The following AHI1 variants were observed in gnomAD, a reference collection of about 807,000 sequenced individuals.
AHI1 encodes jouberin.
Under a neutral mutation model 149.3 loss-of-function variants are expected in AHI1, and 123 were observed. The observed-to-expected ratio is 0.82, with a 90% CI of 0.71 to 0.96. The LOEUF (loss-of-function observed/expected upper bound fraction) is 0.96. Ranked by LOEUF, AHI1 falls within the 40% of genes least tolerant of loss-of-function variation. The pLI is 0.00. For missense variants in AHI1, 1,439 were observed against 1,422.7 expected, an observed-to-expected ratio of 1.01 and a Z score of -0.18; for synonymous variants, 475 against 459.8, an observed-to-expected ratio of 1.03 and a Z score of -0.42.
intron 24 of AHI1, among the ~76,000 whole-genome samples, chr6:135,342,535 T>C (rs118096100): frequency 1.3e-5 from 2 of 151,986 alleles, no homozygotes; most frequent in Non-Finnish European, 3.0e-5. Context: ...AAAAAGATTA[T>C]ATTATACATC....
intron 21 of AHI1, among the ~76,000 whole-genome samples, chr6:135,409,498 T>C (rs911438678): frequency 1.3e-5 from 2 of 152,182 alleles, no homozygotes; most frequent in African/African-American, 4.8e-5. Flanking sequence ...GTAAATGGAC[T>C]GTATTTTTCA....
chr6:135,403,241 TG>T (rs1190639888), intron 22 of AHI1, among the ~76,000 whole-genome samples: 1 of 152,140 alleles, frequency 6.6e-6, no homozygotes, highest in Non-Finnish European at 1.5e-5. Context: ...ATAGTAGGGA[TG>T]GCTGCAAAAC....
rs538508874 is a variant in AHI1 at position 135,490,071 on chromosome 6, G to C, written c.135+552C>G. 5.9e-6 allele frequency: 4 copies of C among 672,420 alleles called. No individual in the cohort carries two copies. The Admixed American group carries it at 8.8e-5, about 15-fold the overall frequency. 41.7% of individuals were successfully genotyped at this position (672,420 alleles called of 1,614,324 possible). On this transcript the variant is annotated intron_variant, in intron 5 of 28. Coordinates refer to ENST00000265602, the MANE Select transcript of AHI1 (RefSeq NM_001134831.2). ...CAATACAGACTCTTTATGATTCCAAGGGGATCAGGTTGTAGTTAGTTGCTG... is the reference window on the plus strand; with the variant it reads ...CAATACAGACTCTTTATGATTCCAACGGGATCAGGTTGTAGTTAGTTGCTG...
intron 5 of AHI1, among the ~76,000 whole-genome samples, chr6:135,482,281 A>G (rs2128123833): frequency 6.6e-6 from 1 of 152,148 alleles, no homozygotes; most frequent in Middle Eastern, 3.4e-3. Context: ...ATGCTGTTAA[A>G]CTCTCCAGTA....
At chr6:135,387,914 A>G in intron 23 of AHI1, 6 of 1,602,870 alleles carry the variant, frequency 3.7e-6, no homozygotes, top group Admixed American at 3.4e-5. Flanking sequence ...TGAACTACCT[A>G]ACAAAACAGT....
chr6:135,487,765 T>C (rs1794689115), intron 5 of AHI1, among the ~76,000 whole-genome samples: 1 of 152,176 alleles, frequency 6.6e-6, no homozygotes, highest in Non-Finnish European at 1.5e-5. Flanking sequence ...TAGAACTTAT[T>C]CCTTCTAACT....
chr6:135,442,486 G>T (rs1033362343), intron 14 of AHI1, 96 bp downstream of exon 14: 2 of 1,317,076 alleles, frequency 1.5e-6, no homozygotes, highest in Admixed American at 2.7e-5. Flanking sequence ...TAGTACAGGG[G>T]ATTACTCAAG....
intron 27 of AHI1, among the ~76,000 whole-genome samples, chr6:135,299,494 G>A (rs1783581639): frequency 6.6e-6 from 1 of 152,090 alleles, no homozygotes; most frequent in African/African-American, 2.4e-5. Flanking sequence ...GGGATGGGAG[G>A]GTATGATAGC....
At chr6:135,407,804 A>C (rs1781005256) in intron 21 of AHI1, among the ~76,000 whole-genome samples, 1 of 152,062 alleles carries the variant, frequency 6.6e-6, no homozygotes, top group Non-Finnish European at 1.5e-5. Context: ...CAAGGTCAGG[A>C]GATCGAGATC....
Position 135,473,158 on chromosome 6 carries a change from T to G in AHI1, c.136-5524A>C, listed in dbSNP as rs367660956. On this transcript the variant is annotated intron_variant, in intron 5 of 28. Transcript: ENST00000265602. ...TAAACATGACATGATCCCAAGTTTA[T>G]TATATATGAATATCTGATTGTTCCA... 7.9e-5 allele frequency among the ~76,000 whole-genome samples: 12 copies of G among 152,298 alleles called. 1 individual carries two copies. The highest frequency in any genetic ancestry group is 1.9e-4 in the East Asian group (1 of 5,196).
chr6:135,447,299 T>C, intron 12 of AHI1, 139 bp from the exon 13 acceptor site: 1 of 599,060 alleles, frequency 1.7e-6, no homozygotes, highest in South Asian at 6.2e-5. Context: ...CTACTTTTAT[T>C]TGTACATTAT....
chr6:135,418,904 C>T (rs1055696413), intron 20 of AHI1, among the ~76,000 whole-genome samples: 7 of 151,484 alleles, frequency 4.6e-5, no homozygotes, highest in African/African-American at 1.7e-4. Context: ...ATATAGCATT[C>T]TCCTTCTCTA....
intron 5 of AHI1, 147 bp downstream of exon 5, chr6:135,490,476 C>A: frequency 1.1e-6 from 1 of 942,584 alleles, no homozygotes; most frequent in South Asian, 1.6e-5. Context: ...CTAATATAAA[C>A]TTTATTTTTA....
intron 24 of AHI1, among the ~76,000 whole-genome samples, chr6:135,357,258 A>G (rs2128435203): frequency 6.6e-6 from 1 of 152,284 alleles, no homozygotes; most frequent in South Asian, 2.1e-4. Flanking sequence ...CTTAATTGGT[A>G]CAGTTTGACT....
intron 4 of AHI1, among the ~76,000 whole-genome samples, chr6:135,491,740 T>C (rs1055590491): frequency 6.6e-6 from 1 of 152,236 alleles, no homozygotes; most frequent in African/African-American, 2.4e-5. Flanking sequence ...CGGCAAACTA[T>C]GGCCTGCAGG....
intron 24 of AHI1, among the ~76,000 whole-genome samples, chr6:135,336,989 CTG>C (rs1266722912): frequency 6.6e-6 from 1 of 152,030 alleles, no homozygotes; most frequent in Non-Finnish European, 1.5e-5. Context: ...ACTAAAATAA[CTG>C]TTATTTTTAA....
At chr6:135,438,613 CAA>C in intron 14 of AHI1, 115 bp from the exon 15 acceptor site, 1 of 802,388 alleles carries the variant, frequency 1.2e-6, no homozygotes, top group African/African-American at 1.8e-5. Context: ...AAATTATAAC[CAA>C]AGACATTTGC....
At chr6:135,477,664 T>A (rs1792912402) in intron 5 of AHI1, among the ~76,000 whole-genome samples, 1 of 152,006 alleles carries the variant, frequency 6.6e-6, no homozygotes, top group African/African-American at 2.4e-5. Context: ...CTTCGCACTC[T>A]CTCTCTCTCT....
At chr6:135,388,762 A>C (rs936008941) in intron 23 of AHI1, among the ~76,000 whole-genome samples, 1 of 152,120 alleles carries the variant, frequency 6.6e-6, no homozygotes, top group African/African-American at 2.4e-5. Context: ...CTGTAATCCC[A>C]GCACTTTGGG....
Sources: gnomAD v4.1 joint callset for allele counts (sites outside exome capture counted in the v4.1 genomes callset) on GRCh38, gnomAD v4.1.1 for gene constraint, MANE v1.5 for transcripts, NCBI Gene and HGNC (gene_info 2026-07-23, HGNC 2026-07-21) for gene names.